The following ATP2B1 variants were observed in gnomAD, a reference collection of about 807,000 sequenced individuals.
The protein encoded by ATP2B1 is plasma membrane calcium-transporting ATPase 1.
ATP2B1 carries 14 observed loss-of-function variants against 124.2 expected under a neutral mutation model. The observed-to-expected ratio is 0.11, with a 90% CI of 0.07 to 0.18. The LOEUF (loss-of-function observed/expected upper bound fraction) is 0.18, where lower values mean the gene tolerates loss of function less well. Among genes scored for constraint, ATP2B1 ranks in the 10% least tolerant of loss-of-function variants. The probability of loss-of-function intolerance (pLI) is 1.00; values close to 1 mark genes in which losing one functional copy is unlikely to be tolerated. For synonymous variants in ATP2B1, 449 were observed against 492.4 expected, an observed-to-expected ratio of 0.91 and a Z score of 1.17; for missense variants, 763 against 1,466.1, an observed-to-expected ratio of 0.52 and a Z score of 7.83.
intron 1 of ATP2B1, among the ~76,000 whole-genome samples, chr12:89,687,310 T>C (rs1890074201): frequency 1.3e-5 from 2 of 152,120 alleles, no homozygotes; most frequent in Non-Finnish European, 2.9e-5. Context: ...TACAGTAACA[T>C]GCTATATGGG....
At chr12:89,673,103 A>G (rs1888190633) in intron 1 of ATP2B1, among the ~76,000 whole-genome samples, 1 of 152,222 alleles carries the variant, frequency 6.6e-6, no homozygotes, top group Non-Finnish European at 1.5e-5. Context: ...CCTCTAGACT[A>G]GACTTCCAAA....
At chr12:89,610,227 T>C (rs1877737400) in intron 14 of ATP2B1, among the ~76,000 whole-genome samples, 184 bp from the exon 15 acceptor site, 1 of 152,226 alleles carries the variant, frequency 6.6e-6, no homozygotes, top group Non-Finnish European at 1.5e-5. Context: ...TTCAGAGCAA[T>C]ATCCTGTTTT....
chr12:89,616,317 C>A (rs1382996594), intron 12 of ATP2B1, among the ~76,000 whole-genome samples: 2 of 152,018 alleles, frequency 1.3e-5, no homozygotes, highest in Non-Finnish European at 2.9e-5. Context: ...CAACTACTAG[C>A]AAGATATTTT....
intron 3 of ATP2B1, among the ~76,000 whole-genome samples, chr12:89,639,890 C>T (rs1883252999): frequency 1.3e-5 from 2 of 152,080 alleles, no homozygotes; most frequent in Non-Finnish European, 2.9e-5. Context: ...TCTAAGAAAA[C>T]TAAAATGTTC....
chr12:89,612,461 A>G (rs930987454), intron 12 of ATP2B1, among the ~76,000 whole-genome samples: 1 of 152,094 alleles, frequency 6.6e-6, no homozygotes, highest in African/African-American at 2.4e-5. Context: ...ACAAATGCCT[A>G]ATGAAAGAGC....
chr12:89,701,096 C>T (rs1030394873), intron 1 of ATP2B1, among the ~76,000 whole-genome samples: 2 of 152,236 alleles, frequency 1.3e-5, no homozygotes, highest in East Asian at 3.9e-4. Context: ...AAGAATAATC[C>T]ATTGCTATAC....
rs910658164 is a variant in ATP2B1, at chr12:89,655,834, A to G, written c.53T>C (p.Leu18Ser). 5.0e-6 allele frequency: 8 copies of G among 1,613,732 alleles called. No individual in the cohort carries two copies. The Admixed American group carries it at 1.2e-4, about 24-fold the overall frequency. Reference protein sequence around the residue: ...SVAYSGVKNSLKEANHDGDFG... With the variant: ...SVAYSGVKNSSKEANHDGDFG... ...GTCTCCATCATGATTAGCTTCCTTC[A>G]AAGAGTTTTTCACACCACTGTAAGC... Residue 18 changes from leucine (L) to serine (S), a missense_variant, in exon 2 of 21, where the codon TTG (leucine) becomes TCG (serine). Coordinates refer to ENST00000428670, the MANE Select transcript of ATP2B1 (RefSeq NM_001366521.1).
intron 6 of ATP2B1, among the ~76,000 whole-genome samples, chr12:89,628,029 CA>C (rs1264159175): frequency 1.3e-5 from 2 of 151,868 alleles, no homozygotes; most frequent in Admixed American, 1.3e-4. Context: ...AATATAACCC[CA>C]AGAAAGCAGA....
At chr12:89,633,033 G>T (rs1245892040) in intron 5 of ATP2B1, among the ~76,000 whole-genome samples, 1 of 152,116 alleles carries the variant, frequency 6.6e-6, no homozygotes, top group Non-Finnish European at 1.5e-5. Context: ...ATCTTAGTTT[G>T]TTACACATTG....
At chr12:89,617,099 T>C in intron 11 of ATP2B1, 60 bp from the exon 12 acceptor site, 1 of 1,288,034 alleles carries the variant, frequency 7.8e-7, no homozygotes, top group Non-Finnish European at 1.1e-6. Context: ...TTAATGCCAT[T>C]TAAGTGAACT....
intron 20 of ATP2B1, among the ~76,000 whole-genome samples, chr12:89,596,403 A>G (rs1170013776): frequency 6.6e-6 from 1 of 152,118 alleles, no homozygotes; most frequent in Non-Finnish European, 1.5e-5. Flanking sequence ...TGGAGACTAG[A>G]CTCATAACAC....
At chr12:89,684,791 A>G (rs931999982) in intron 1 of ATP2B1, among the ~76,000 whole-genome samples, 2 of 152,144 alleles carry the variant, frequency 1.3e-5, no homozygotes, top group African/African-American at 4.8e-5. Flanking sequence ...CCTCTTGCCT[A>G]TTAACCCATA....
intron 18 of ATP2B1, among the ~76,000 whole-genome samples, chr12:89,601,955 A>G (rs2681479): frequency 0.96 from 145,800 of 152,316 alleles, 69,820 homozygotes; most frequent in East Asian, 0.99. Context: ...AACACAGACT[A>G]TATGAGAAGA....
intron 20 of ATP2B1, among the ~76,000 whole-genome samples, chr12:89,598,012 T>C (rs1437833315): frequency 9.7e-6 from 1 of 102,988 alleles, no homozygotes; most frequent in Non-Finnish European, 1.8e-5. Context: ...ACACAGTGAT[T>C]TCCCCTGAAA....
chr12:89,608,140 C>T (rs2681475), intron 15 of ATP2B1, among the ~76,000 whole-genome samples: 142,533 of 152,220 alleles, frequency 0.94, 66,930 homozygotes, highest in East Asian at 0.99. Context: ...AGCTACCAAG[C>T]ACTTACAGTT....
intron 8 of ATP2B1, among the ~76,000 whole-genome samples, chr12:89,624,792 G>A (rs1565834275): frequency 6.6e-6 from 1 of 152,128 alleles, no homozygotes; most frequent in South Asian, 2.1e-4. Context: ...CATCAATGGG[G>A]AGACCTCGAA....
intron 19 of ATP2B1, among the ~76,000 whole-genome samples, chr12:89,600,976 T>A (rs994489611): frequency 7.9e-5 from 12 of 152,258 alleles, no homozygotes; most frequent in African/African-American, 2.9e-4. Flanking sequence ...TTGTAAAAAA[T>A]TTTTTTCTGA....
rs1314544404 is a variant in ATP2B1 at position 89,588,491 on chromosome 12, T to A, written c.*2493A>T. On this transcript the variant is annotated 3_prime_UTR_variant, in exon 21 of 21. Coordinates refer to ENST00000428670, the MANE Select transcript of ATP2B1 (RefSeq NM_001366521.1). ...TGGTTAGAGGATAAAAGAGAAAAAG[T>A]GATTGAATTACAGATTTCAGCTATA... 1 of 152,484 alleles carries A rather than the reference T, an allele frequency of 6.6e-6. No individual in the cohort carries two copies. Among genetic ancestry groups the A allele is most frequent in the Non-Finnish European group, 1.5e-5 (1 of 67,970 alleles). 9.4% of individuals were successfully genotyped at this position (152,484 alleles called of 1,614,324 possible).
chr12:89,599,043 A>G, intron 20 of ATP2B1, 74 bp downstream of exon 20: 2 of 1,506,190 alleles, frequency 1.3e-6, no homozygotes, highest in Admixed American at 2.1e-5. Context: ...TTTAAGGAGC[A>G]CACTCGAACC....
Sources: allele counts gnomAD v4.1 joint callset (sites outside exome capture counted in the v4.1 genomes callset), GRCh38; gene constraint gnomAD v4.1.1; transcripts MANE v1.5; gene names NCBI Gene and HGNC (gene_info 2026-07-23, HGNC 2026-07-21).